Variants in TTLL5 observed in about 807,000 individuals in gnomAD.
TTLL5 encodes the protein tubulin tyrosine ligase like 5, also known as tubulin polyglutamylase TTLL5.
TTLL5 carries 132 observed loss-of-function variants against 168.4 expected under a neutral mutation model. The observed-to-expected ratio is 0.78, with a 90% CI of 0.68 to 0.91. The LOEUF is 0.91. Ranked by LOEUF, TTLL5 falls within the 40% of genes least tolerant of loss-of-function variation. The pLI is 0.00. For missense variants in TTLL5, 1,545 were observed against 1,581.5 expected (o/e 0.98, Z 0.39); for synonymous variants, 546 against 558.6 (o/e 0.98, Z 0.32).
chr14:75,904,212 A>C, intron 31 of TTLL5: 1 of 1,219,242 alleles, frequency 8.2e-7, no homozygotes, highest in Non-Finnish European at 1.0e-6. Flanking sequence ...CAAAAAAAAA[A>C]AAAAGGAAAG....
chr14:75,702,919 C>T (rs775961057), intron 7 of TTLL5, among the ~76,000 whole-genome samples: 43 of 152,194 alleles, frequency 2.8e-4, no homozygotes, highest in African/African-American at 5.5e-4. Flanking sequence ...TGGGAAAATA[C>T]TCCTGTTTTA....
At chr14:75,805,785 C>T (rs1012159031) in intron 27 of TTLL5, among the ~76,000 whole-genome samples, 2 of 148,936 alleles carry the variant, frequency 1.3e-5, no homozygotes, top group East Asian at 1.9e-4. Flanking sequence ...ATTCTAGAAT[C>T]CCAGGGAATT....
intron 26 of TTLL5, among the ~76,000 whole-genome samples, chr14:75,789,531 T>C (rs1311328849): frequency 6.6e-6 from 1 of 152,126 alleles, no homozygotes; most frequent in Non-Finnish European, 1.5e-5. Flanking sequence ...AAATTTAACA[T>C]TGAACTATTT....
chr14:75,908,132 A>G (rs542839099), intron 31 of TTLL5, among the ~76,000 whole-genome samples: 16 of 152,366 alleles, frequency 1.1e-4, no homozygotes, highest in South Asian at 1.0e-3. Flanking sequence ...TGAGCTGTGT[A>G]TAAGCGAGGG....
At chr14:75,825,478 T>G (rs1267357448) in intron 28 of TTLL5, among the ~76,000 whole-genome samples, 2 of 152,184 alleles carry the variant, frequency 1.3e-5, no homozygotes, top group Non-Finnish European at 2.9e-5. Context: ...GTCTCCTGAA[T>G]GTTGAAATTT....
At chr14:75,770,228 T>C (rs370019642) in intron 20 of TTLL5, among the ~76,000 whole-genome samples, 1 of 139,746 alleles carries the variant, frequency 7.2e-6, no homozygotes, top group Non-Finnish European at 1.6e-5. Context: ...TTCAAAACCA[T>C]ATTATGCTCC....
chr14:75,944,402 A>G lies in TTLL5; in HGVS notation c.3824-10022A>G, dbSNP rs111656002. 1.3e-3 allele frequency among the ~76,000 whole-genome samples: 193 copies of G among 152,252 alleles called. 2 individuals are homozygous for G. Among genetic ancestry groups the G allele is most frequent in the Middle Eastern group, 3.4e-3 (1 of 294 alleles). ...CATCAGTGGAACAAACAGAGGCACA[A>G]TCTTGCCCCTGTCTCCCTTGGGCCT... On this transcript the variant is annotated intron_variant, in intron 31 of 31. Coordinates refer to ENST00000298832, the MANE Select transcript of TTLL5 (RefSeq NM_015072.5).
At chr14:75,765,170 C>T (rs529918790) in intron 19 of TTLL5, among the ~76,000 whole-genome samples, 1 of 152,258 alleles carries the variant, frequency 6.6e-6, no homozygotes, top group South Asian at 2.1e-4. Flanking sequence ...GAATTTCTTT[C>T]TCTCCTAGCT....
chr14:75,798,159 G>C (rs969253598), intron 27 of TTLL5, among the ~76,000 whole-genome samples: 8 of 151,854 alleles, frequency 5.3e-5, no homozygotes, highest in Non-Finnish European at 1.2e-4. Flanking sequence ...ATTTATTCCT[G>C]GTTTAATCTA....
chr14:75,707,605 C>T lies in TTLL5; in HGVS notation c.656-18C>T. The T allele has an allele frequency of 6.3e-7, 1 of 1,593,002 alleles. No individual in the cohort carries two copies. Among genetic ancestry groups the T allele is most frequent in the Non-Finnish European group, 8.5e-7 (1 of 1,169,620 alleles). ...TGAACTTAGTTTTTTTTTGTGAATA[C>T]AAACTTTTTTTTTTTAGATTTCAAG... On this transcript the variant is annotated intron_variant, in intron 8 of 31. Transcript: ENST00000298832.
Position 75,914,033 on chromosome 14 carries a change from A to AAAAAAAAAAT in TTLL5, c.3823+11810_3823+11811insAAAAAAAATA. ...GTTTAAAAGGAAAAAAAAAAAAAAAAATATATATATATATATATATATTTT... is the reference window on the plus strand; with the variant it reads ...GTTTAAAAGGAAAAAAAAAAAAAAAAAAAAAAAAATATATATATATATATATATATATTTT... On this transcript the variant is annotated intron_variant, in intron 31 of 31. Transcript: ENST00000298832. 8.4e-4 allele frequency among the ~76,000 whole-genome samples: 60 copies of AAAAAAAAAAT among 71,080 alleles called. 1 individual carries two copies. In the East Asian group the frequency reaches 0.011, roughly 13 times the overall value. 46.6% of individuals were successfully genotyped at this position (71,080 alleles called of 152,430 possible). A position where few individuals can be genotyped will look rare whatever the true frequency, so the allele number is the denominator to read the frequency against.
chr14:75,810,818 A>G (rs1262880016), intron 27 of TTLL5, among the ~76,000 whole-genome samples: 1 of 152,336 alleles, frequency 6.6e-6, no homozygotes, highest in East Asian at 1.9e-4. Flanking sequence ...AAACAAATAT[A>G]CACATTGTGT....
rs1594847857 is a variant in TTLL5 at position 75,673,793 on chromosome 14, C to T, written c.181+4271C>T. Among the ~76,000 whole-genome samples, 4 of 152,282 alleles carry T rather than the reference C, an allele frequency of 2.6e-5. No homozygotes were observed. In the South Asian group the frequency reaches 6.2e-4, roughly 24 times the overall value. On this transcript the variant is annotated intron_variant, in intron 3 of 31. Transcript: ENST00000298832. ...TAGCATTGCTTCTGGGATTTGAATC[C>T]TCCTTCCTCCCCAAGGATCCTTGTG...
chr14:75,708,640 T>C (rs1020549377), intron 9 of TTLL5, among the ~76,000 whole-genome samples: 1 of 152,160 alleles, frequency 6.6e-6, no homozygotes, highest in African/African-American at 2.4e-5. Context: ...AGGTGCTTTC[T>C]AAGTTTTAAG....
At chr14:75,895,487 A>G (rs2032609615) in intron 30 of TTLL5, among the ~76,000 whole-genome samples, 2 of 152,198 alleles carry the variant, frequency 1.3e-5, no homozygotes, top group Admixed American at 1.3e-4. Flanking sequence ...CTTCAACCAC[A>G]AAGCACTTAA....
intron 31 of TTLL5, among the ~76,000 whole-genome samples, chr14:75,939,380 CTTCAT>C (rs1249014640): frequency 6.6e-6 from 1 of 152,044 alleles, no homozygotes; most frequent in Non-Finnish European, 1.5e-5. Flanking sequence ...TCTAGAGTCC[CTTCAT>C]TTCATTTCAT....
chr14:75,830,643 A>G (rs1895508413), intron 28 of TTLL5, among the ~76,000 whole-genome samples: 4 of 152,190 alleles, frequency 2.6e-5, no homozygotes, highest in African/African-American at 4.8e-5. Flanking sequence ...ATATTTTCCC[A>G]TCACCACATC....
intron 18 of TTLL5, among the ~76,000 whole-genome samples, chr14:75,754,149 G>C (rs1890111295): frequency 6.6e-6 from 1 of 152,110 alleles, no homozygotes; most frequent in African/African-American, 2.4e-5. Context: ...TCCCACACAG[G>C]ATAGGGGTGT....
intron 18 of TTLL5, among the ~76,000 whole-genome samples, chr14:75,757,230 G>A (rs947681492): frequency 4.6e-5 from 7 of 152,084 alleles, no homozygotes; most frequent in East Asian, 1.9e-4. Context: ...CCCCTGCTTC[G>A]GCCAGCCAAA....
Sources: allele counts gnomAD v4.1 joint callset (sites outside exome capture counted in the v4.1 genomes callset), GRCh38; gene constraint gnomAD v4.1.1; transcripts MANE v1.5; gene names NCBI Gene and HGNC (gene_info 2026-07-23, HGNC 2026-07-21).